DOP1B: variants seen among roughly 807,000 people sequenced by gnomAD.
DOP1B encodes the protein protein DOP1B.
A neutral mutation model predicts 233.5 loss-of-function variants in DOP1B; 174 were observed. The ratio of observed to expected loss-of-function variants is 0.75; its 90% confidence interval spans 0.66 to 0.85. DOP1B has a LOEUF of 0.85. Among genes scored for constraint, DOP1B ranks in the 40% least tolerant of loss-of-function variants. The probability of loss-of-function intolerance (pLI) is 0.00; values close to 1 mark genes in which losing one functional copy is unlikely to be tolerated. For synonymous variants in DOP1B, 1,190 were observed against 1,185.6 expected, an observed-to-expected ratio of 1.00 and a Z score of -0.08; for missense variants, 2,652 against 2,846.6, an observed-to-expected ratio of 0.93 and a Z score of 1.56.
chr21:36,292,191 C>T lies in DOP1B; in HGVS notation c.6603C>T (p.Pro2201=), dbSNP rs1189875158. The T allele has an allele frequency of 6.2e-7, 1 of 1,611,806 alleles. No individual in the cohort carries two copies. Among genetic ancestry groups the T allele is most frequent in the Non-Finnish European group, 8.5e-7 (1 of 1,179,192 alleles). Residue 2201 remains proline, a synonymous_variant, in exon 36 of 37, where the codon CCC becomes CCT. Coordinates refer to ENST00000691173, the MANE Select transcript of DOP1B (RefSeq NM_001320714.2). The part of the protein sequence containing the change: ...DVEENHQECK[P]HTVRILELLK... ...AGGAGAATCACCAAGAATGCAAACCCCACACTGTCAGGATTCTAGAACTTC... is the reference window on the plus strand; with the variant it reads ...AGGAGAATCACCAAGAATGCAAACCTCACACTGTCAGGATTCTAGAACTTC...
chr21:36,292,721 C>T (rs919237655), intron 36 of DOP1B, among the ~76,000 whole-genome samples: 4 of 151,842 alleles, frequency 2.6e-5, no homozygotes, highest in Non-Finnish European at 4.4e-5. Context: ...AAGCAATTCC[C>T]GCACCTCAGC....
chr21:36,273,373 C>T (rs2067312873), intron 27 of DOP1B, among the ~76,000 whole-genome samples: 1 of 151,868 alleles, frequency 6.6e-6, no homozygotes, highest in Admixed American at 6.6e-5. Flanking sequence ...TGCCACTGCA[C>T]TCCAGTCTGG....
At chr21:36,188,638 C>T (rs534700268) in intron 2 of DOP1B, among the ~76,000 whole-genome samples, 48 of 152,274 alleles carry the variant, frequency 3.2e-4, no homozygotes, top group African/African-American at 1.0e-3. Flanking sequence ...TACAAAGATG[C>T]CTGACTTCCA....
intron 4 of DOP1B, among the ~76,000 whole-genome samples, chr21:36,202,642 A>G (rs2066381830): frequency 1.3e-5 from 2 of 152,356 alleles, no homozygotes; most frequent in Admixed American, 1.3e-4. Flanking sequence ...AGATGTAACT[A>G]AAACATTGCA....
intron 2 of DOP1B, chr21:36,168,929 TTTTA>T: frequency 1.8e-6 from 1 of 568,850 alleles, no homozygotes; most frequent in East Asian, 3.4e-5. Context: ...AAAAAATAAC[TTTTA>T]TTGAGACCCC....
intron 23 of DOP1B, among the ~76,000 whole-genome samples, chr21:36,259,148 G>A (rs1026347552): frequency 6.6e-6 from 1 of 151,912 alleles, no homozygotes; most frequent in Non-Finnish European, 1.5e-5. Flanking sequence ...TGTATTTTTA[G>A]TAGAGACAGG....
At chr21:36,283,022 G>GT (rs1249575762) in intron 32 of DOP1B, among the ~76,000 whole-genome samples, 2 of 150,940 alleles carry the variant, frequency 1.3e-5, no homozygotes, top group African/African-American at 4.9e-5. Context: ...TGATTGTCAG[G>GT]GTTTTTTTTT....
chr21:36,161,444 A>AT (rs991431540), intron 1 of DOP1B, among the ~76,000 whole-genome samples: 12 of 152,010 alleles, frequency 7.9e-5, no homozygotes, highest in East Asian at 3.9e-4. Flanking sequence ...GCCTAGTTTT[A>AT]TTTTTTTTAA....
At chr21:36,240,110 T>G (rs2066876386) in intron 18 of DOP1B, among the ~76,000 whole-genome samples, 155 bp downstream of exon 18, 1 of 152,192 alleles carries the variant, frequency 6.6e-6, no homozygotes, top group Admixed American at 6.6e-5. Flanking sequence ...TTTAAGGACC[T>G]AGTGATCTAG....
At chr21:36,189,842 C>G (rs551398560) in intron 2 of DOP1B, among the ~76,000 whole-genome samples, 46 of 151,242 alleles carry the variant, frequency 3.0e-4, no homozygotes, top group Non-Finnish European at 6.5e-4. Flanking sequence ...AACCCTGTCT[C>G]TACTAAAAAA....
chr21:36,236,025 G>T (rs1473780685), intron 15 of DOP1B, among the ~76,000 whole-genome samples: 1 of 152,194 alleles, frequency 6.6e-6, no homozygotes, highest in Non-Finnish European at 1.5e-5. Flanking sequence ...AGACGGTTTT[G>T]TTGAGTAGAA....
intron 2 of DOP1B, among the ~76,000 whole-genome samples, chr21:36,195,840 C>T (rs1053571373): frequency 6.6e-6 from 1 of 152,160 alleles, no homozygotes; most frequent in Non-Finnish European, 1.5e-5. Flanking sequence ...TTATTTCTGC[C>T]TTACTGGATC....
rs374380675 is a variant in DOP1B, at chr21:36,238,570, G to A, written c.2776-31G>A. 2,483 of 1,604,714 alleles carry A rather than the reference G, an allele frequency of 1.5e-3. 5 individuals carry two copies. The highest frequency in any genetic ancestry group is 2.0e-3 in the Non-Finnish European group (2,324 of 1,171,666). On this transcript the variant is annotated intron_variant, in intron 16 of 36. Coordinates refer to ENST00000691173, the MANE Select transcript of DOP1B (RefSeq NM_001320714.2). ...AGACAGTGGTCAGTTACAAAACCAA[G>A]TTCCTCACTCCCATGTATCTCCTCA...
Position 36,203,964 on chromosome 21 carries a change from A to G in DOP1B, c.491+3463A>G, listed in dbSNP as rs1199404149. Among the ~76,000 whole-genome samples, 6 of 152,246 alleles carry G rather than the reference A, an allele frequency of 3.9e-5. No individual in the cohort carries two copies. In the East Asian group the frequency reaches 1.2e-3, roughly 29 times the overall value. On this transcript the variant is annotated intron_variant, in intron 4 of 36. Coordinates refer to ENST00000691173, the MANE Select transcript of DOP1B (RefSeq NM_001320714.2). The stretch of plus-strand genomic sequence containing the variant: ...CAAGATTAGAACAGGGAAAGCACTA[A>G]ACTCTTCTTCTCAGGAGATGAGGAG...
At chr21:36,282,033 G>T (rs1299979558) in intron 32 of DOP1B, among the ~76,000 whole-genome samples, 1 of 152,198 alleles carries the variant, frequency 6.6e-6, no homozygotes, top group African/African-American at 2.4e-5. Flanking sequence ...GGGGTCTACT[G>T]CGTGCTTTGG....
In DOP1B at chr21:36,211,544, C is replaced by T. The variant is rs373519880; in HGVS notation, c.682-9C>T. Reference sequence around the variant, plus strand: ...CCTGAAAATGCTAGTGCCGTTTGATCGTTTACAGGTGAAGTCTTTGCGTGC... The same window carrying T: ...CCTGAAAATGCTAGTGCCGTTTGATTGTTTACAGGTGAAGTCTTTGCGTGC... On this transcript the variant is annotated splice_polypyrimidine_tract_variant and intron_variant, in intron 5 of 36. Transcript: ENST00000691173. 1.6e-5 allele frequency: 26 copies of T among 1,612,692 alleles called. No homozygotes were observed. The highest frequency in any genetic ancestry group is 1.2e-4 in the Admixed American group (7 of 59,958).
At chr21:36,289,477 T>TGTGTGGG in intron 35 of DOP1B, among the ~76,000 whole-genome samples, 1 of 125,770 alleles carries the variant, frequency 8.0e-6, no homozygotes, top group Non-Finnish European at 1.8e-5. Flanking sequence ...GTGTGTGTGG[T>TGTGTGGG]TTTTGCTACT....
intron 14 of DOP1B, 108 bp from the exon 15 acceptor site, chr21:36,232,696 A>G (rs1311525494): frequency 6.7e-7 from 1 of 1,486,256 alleles, no homozygotes; most frequent in Non-Finnish European, 9.1e-7. Context: ...GTCCAGGTGG[A>G]TTTCTCAGGT....
chr21:36,211,955 T>TTCTCTG lies in DOP1B; in HGVS notation c.781-16_781-11dup. Reference sequence around the variant, plus strand: ...GCCCTATCATTCCCTTGCAGTAAATTTCTCTGTCCTTCTAATAGGATTCCA... The same window carrying TTCTCTG: ...GCCCTATCATTCCCTTGCAGTAAATTTCTCTGTCTCTGTCCTTCTAATAGGATTCCA... On this transcript the variant is annotated intron_variant, in intron 6 of 36. Coordinates refer to ENST00000691173, the MANE Select transcript of DOP1B (RefSeq NM_001320714.2). The TTCTCTG allele has an allele frequency of 1.2e-6, 2 of 1,613,636 alleles. No homozygotes were observed. The highest frequency in any genetic ancestry group is 1.7e-6 in the Non-Finnish European group (2 of 1,179,850).
Sources: allele counts gnomAD v4.1 joint callset (sites outside exome capture counted in the v4.1 genomes callset), GRCh38; gene constraint gnomAD v4.1.1; transcripts MANE v1.5; gene names NCBI Gene and HGNC (gene_info 2026-07-23, HGNC 2026-07-21).